Variants in FARP1 observed in about 807,000 individuals in gnomAD.
The protein encoded by FARP1 is FERM, ARHGEF and pleckstrin domain-containing protein 1.
Under a neutral mutation model 128.8 loss-of-function variants are expected in FARP1, and 52 were observed. That is an observed-to-expected ratio of 0.40 (90% CI 0.32 to 0.51). FARP1 has a LOEUF of 0.51. Ranked by LOEUF, FARP1 falls within the 20% of genes least tolerant of loss-of-function variation. The pLI, the probability that FARP1 is intolerant of heterozygous loss-of-function variation, is 0.45. For synonymous variants in FARP1, 580 were observed against 551.8 expected, an observed-to-expected ratio of 1.05 and a Z score of -0.72; for missense variants, 1,333 against 1,367.9, an observed-to-expected ratio of 0.97 and a Z score of 0.40.
chr13:98,356,855 G>A (rs1447372300), intron 3 of FARP1, among the ~76,000 whole-genome samples: 3 of 151,768 alleles, frequency 2.0e-5, no homozygotes, highest in Admixed American at 6.6e-5. Context: ...GGCTGGTCGC[G>A]AACTCCTGAC....
chr13:98,369,596 A>T (rs1206167586), intron 5 of FARP1, among the ~76,000 whole-genome samples: 1 of 151,684 alleles, frequency 6.6e-6, no homozygotes, highest in East Asian at 2.0e-4. Context: ...GTTCACACCT[A>T]TGAGTGAGAA....
At position 98,379,143 on chromosome 13, in the gene FARP1, CTATATATAATA is replaced by C. The variant is rs1337612561; in HGVS notation, c.496+1241_496+1251del. Among the ~76,000 whole-genome samples, 267 of 47,950 alleles carry C rather than the reference CTATATATAATA, an allele frequency of 5.6e-3. 7 individuals carry two copies. Among genetic ancestry groups the C allele is most frequent in the African/African-American group, 0.043 (221 of 5,174 alleles). The allele number at this position is 47,950 out of a possible 152,430, so 31.5% of individuals were successfully genotyped here. ...ATATAATATATATATAATATATAAT[CTATATATAATA>C]TATATATAATATATAATCTATATAT... On this transcript the variant is annotated intron_variant, in intron 6 of 26. Transcript: ENST00000319562.
intron 2 of FARP1, among the ~76,000 whole-genome samples, chr13:98,234,925 A>G (rs974176254): frequency 1.3e-5 from 2 of 152,238 alleles, no homozygotes; most frequent in Non-Finnish European, 2.9e-5. Context: ...TGGATTTGTA[A>G]TAATGCCTTT....
intron 2 of FARP1, among the ~76,000 whole-genome samples, chr13:98,217,335 C>T (rs778084659): frequency 3.3e-5 from 5 of 152,052 alleles, no homozygotes; most frequent in African/African-American, 9.7e-5. Context: ...TAGTGCCTGT[C>T]GAAGGGTTAG....
intron 5 of FARP1, among the ~76,000 whole-genome samples, chr13:98,374,287 G>A (rs543378021): frequency 8.5e-5 from 13 of 152,258 alleles, no homozygotes; most frequent in Admixed American, 8.5e-4. Context: ...AGCTGGGCAT[G>A]GTGGTGTGTA....
intron 2 of FARP1, among the ~76,000 whole-genome samples, chr13:98,322,604 A>G (rs982508120): frequency 2.6e-5 from 4 of 152,312 alleles, no homozygotes; most frequent in African/African-American, 9.6e-5. Context: ...CATGCGACCA[A>G]GACCCGGAGC....
At chr13:98,161,009 CT>C in intron 1 of FARP1, among the ~76,000 whole-genome samples, 1 of 151,982 alleles carries the variant, frequency 6.6e-6, no homozygotes, top group Non-Finnish European at 1.5e-5. Flanking sequence ...TCTTGATGGA[CT>C]TTATTATTCA....
In FARP1 at chr13:98,411,984, C is replaced by A. The variant is rs763393540; in HGVS notation, c.1776C>A (p.His592Gln). The change falls in exon 16 of 27, where the codon CAC becomes CAA. Residue 592 changes from histidine (H) to glutamine (Q), a missense_variant. His to Gln is a conservative substitution (Grantham distance 24, BLOSUM62 0). Coordinates refer to ENST00000319562, the MANE Select transcript of FARP1 (RefSeq NM_005766.4). ...TATTCCCGAATTTTGAACCTTTGCACAAATTTCATACTAATTTTCTCAAGG... is the reference window on the plus strand; with the variant it reads ...TATTCCCGAATTTTGAACCTTTGCAAAAATTTCATACTAATTTTCTCAAGG... ...SLIFPNFEPLHKFHTNFLKEI... is the reference protein window; with the variant it reads ...SLIFPNFEPLQKFHTNFLKEI... 2 of 1,613,926 alleles carry A rather than the reference C, an allele frequency of 1.2e-6. No individual in the cohort carries two copies. The highest frequency in any genetic ancestry group is 2.7e-5 in the African/African-American group (2 of 74,928).
chr13:98,184,707 A>G (rs527270083), intron 1 of FARP1, among the ~76,000 whole-genome samples: 18 of 152,094 alleles, frequency 1.2e-4, no homozygotes, highest in Non-Finnish European at 2.4e-4. Context: ...CAGCCTTTAC[A>G]TTTTCTCAGT....
rs1308538181 is a variant in FARP1, at chr13:98,351,495, C to A, written c.276+7629C>A. Among the ~76,000 whole-genome samples, 5 of 151,946 alleles carry A rather than the reference C, an allele frequency of 3.3e-5. No homozygotes were observed. In the East Asian group the frequency reaches 9.7e-4, roughly 29 times the overall value. Reference sequence around the variant, plus strand: ...GGCGTGGTGGCAGGCGCCTGTAGTGCCAGCTACTTGGGAGGCTGAGGCAGG... The same window carrying A: ...GGCGTGGTGGCAGGCGCCTGTAGTGACAGCTACTTGGGAGGCTGAGGCAGG... On this transcript the variant is annotated intron_variant, in intron 3 of 26. Transcript: ENST00000319562.
intron 2 of FARP1, among the ~76,000 whole-genome samples, chr13:98,246,354 A>G (rs1395918306): frequency 6.6e-6 from 1 of 151,062 alleles, no homozygotes; most frequent in African/African-American, 2.4e-5. Flanking sequence ...CGGCCTCCCA[A>G]AGTGCTGGGA....
At position 98,274,888 on chromosome 13, in the gene FARP1, G is replaced by T. The variant is rs185445109; in HGVS notation, c.171+61475G>T. Reference sequence around the variant, plus strand: ...GGACATCAGGTAAATTTTGTATTCAGATCAGATCACTTTATTCTCAAGGTT... The same window carrying T: ...GGACATCAGGTAAATTTTGTATTCATATCAGATCACTTTATTCTCAAGGTT... On this transcript the variant is annotated intron_variant, in intron 2 of 26. Transcript: ENST00000319562. 1.0e-3 allele frequency among the ~76,000 whole-genome samples: 154 copies of T among 152,290 alleles called. 1 individual carries two copies. Among genetic ancestry groups the T allele is most frequent in the Non-Finnish European group, 5.0e-4 (34 of 68,032 alleles).
At chr13:98,415,559 C>T (rs1455482427) in intron 16 of FARP1, among the ~76,000 whole-genome samples, 4 of 152,210 alleles carry the variant, frequency 2.6e-5, no homozygotes, top group Non-Finnish European at 4.4e-5. Flanking sequence ...AGAGCCGTGT[C>T]CTCTCACAGG....
chr13:98,319,121 C>T (rs946952198), intron 2 of FARP1, among the ~76,000 whole-genome samples: 25 of 151,650 alleles, frequency 1.6e-4, no homozygotes, highest in African/African-American at 5.8e-4. Flanking sequence ...CACCACCAGC[C>T]CCGTCCAGTT....
In FARP1 at chr13:98,321,101, C is replaced by A. The variant is rs149188655; in HGVS notation, c.172-22661C>A. Among the ~76,000 whole-genome samples the A allele has an allele frequency of 1.6e-3, 239 of 152,244 alleles. 1 individual carries two copies. Among genetic ancestry groups the A allele is most frequent in the African/African-American group, 5.1e-3 (210 of 41,546 alleles). On this transcript the variant is annotated intron_variant, in intron 2 of 26. Transcript: ENST00000319562. ...TTTGAAGCTATGATGTGTGAGTGTC[C>A]CCATGGCTGTTGGTCTTATTCAGCC...
intron 2 of FARP1, among the ~76,000 whole-genome samples, chr13:98,222,502 C>T (rs1881472659): frequency 6.6e-6 from 1 of 152,138 alleles, no homozygotes; most frequent in Non-Finnish European, 1.5e-5. Context: ...AGCCCAGGAC[C>T]ACATACACCT....
At chr13:98,168,457 C>T (rs1030473358) in intron 1 of FARP1, among the ~76,000 whole-genome samples, 1 of 152,208 alleles carries the variant, frequency 6.6e-6, no homozygotes, top group African/African-American at 2.4e-5. Context: ...CATTAGATAT[C>T]CTGTTTCATC....
chr13:98,384,085 C>T (rs1359656697), intron 6 of FARP1: 1 of 151,734 alleles, frequency 6.6e-6, no homozygotes, highest in African/African-American at 2.4e-5. Flanking sequence ...ACGGTTGTCA[C>T]CCACATGTGT....
chr13:98,242,483 C>T (rs1386813177), intron 2 of FARP1, among the ~76,000 whole-genome samples: 1 of 152,040 alleles, frequency 6.6e-6, no homozygotes, highest in South Asian at 2.1e-4. Context: ...CGAGACCAGC[C>T]TGGGCAACAT....
Sources: allele counts gnomAD v4.1 joint callset (sites outside exome capture counted in the v4.1 genomes callset), GRCh38; gene constraint gnomAD v4.1.1; transcripts MANE v1.5; gene names NCBI Gene and HGNC (gene_info 2026-07-23, HGNC 2026-07-21).